Variants in TNS3 observed in about 807,000 individuals in gnomAD.
TNS3 encodes tensin-3.
In TNS3, 45 loss-of-function variants were observed where a neutral mutation model predicts 140.9. The ratio of observed to expected loss-of-function variants is 0.32; its 90% CI spans 0.25 to 0.41. The LOEUF (loss-of-function observed/expected upper bound fraction) is 0.41. Among genes scored for constraint, TNS3 ranks in the 10% least tolerant of loss-of-function variants. The pLI, the probability that TNS3 is intolerant of heterozygous loss-of-function variation, is 1.00. For missense variants in TNS3, 1,716 were observed against 1,906.7 expected (o/e 0.90, Z 1.86); for synonymous variants, 815 against 788.4 (o/e 1.03, Z -0.56).
intron 23 of TNS3, among the ~76,000 whole-genome samples, chr7:47,299,436 G>A (rs965634835): frequency 3.3e-5 from 5 of 152,144 alleles, no homozygotes; most frequent in East Asian, 1.9e-4. Flanking sequence ...TCACTGCGCC[G>A]GGCCTACTTT....
At chr7:47,392,262 C>T (rs190895471) in intron 16 of TNS3, among the ~76,000 whole-genome samples, 1 of 152,292 alleles carries the variant, frequency 6.6e-6, no homozygotes, top group African/African-American at 2.4e-5. Context: ...GTGCTGAAGA[C>T]AGGGCGTTTG....
rs78075617 is a variant in TNS3, at chr7:47,549,632, C to T, written c.-264-20485G>A. On this transcript the variant is annotated intron_variant, in intron 1 of 30. Coordinates refer to ENST00000311160, the MANE Select transcript of TNS3 (RefSeq NM_022748.12). ...GCTGTCCTTACAAACGGGCTCACTTCCCCCAGATCCCTGCTCAGTTTATGC... is the reference window on the plus strand; with the variant it reads ...GCTGTCCTTACAAACGGGCTCACTTTCCCCAGATCCCTGCTCAGTTTATGC... Among the ~76,000 whole-genome samples the T allele has an allele frequency of 2.0e-5, 3 of 152,072 alleles. No homozygotes were observed. The South Asian group carries it at 6.2e-4, about 32-fold the overall frequency.
In TNS3 at chr7:47,441,990, CACAG is replaced by C. The variant is rs774866935; in HGVS notation, c.-23+9_-23+12del. 2 of 1,290,114 alleles carry C rather than the reference CACAG, an allele frequency of 1.6e-6. No individual in the cohort carries two copies. Among genetic ancestry groups the C allele is most frequent in the African/African-American group, 3.0e-5 (2 of 65,842 alleles). The allele number at this position is 1,290,114 out of a possible 1,614,324, so 79.9% of individuals were successfully genotyped here. A position where few individuals can be genotyped will look rare whatever the true frequency, so the allele number is the denominator to read the frequency against. ...CAGAGACACAGGAATGCATGACCCA[CACAG>C]ACACTCACCGCAGAGGTTTATCACG... On this transcript the variant is annotated intron_variant, in intron 5 of 30. Coordinates refer to ENST00000311160, the MANE Select transcript of TNS3 (RefSeq NM_022748.12).
At position 47,277,043 on chromosome 7, in the gene TNS3, G is replaced by A. The variant is rs1470857367; in HGVS notation, c.*1033C>T. ...CAGAAAAGAAGTCATCCACAATCGG[G>A]GAAAAACATTCCAATGAGTAAAACA... On this transcript the variant is annotated 3_prime_UTR_variant, in exon 31 of 31. Transcript: ENST00000311160. 1 of 152,168 alleles carries A rather than the reference G, an allele frequency of 6.6e-6. No individual in the cohort carries two copies. The highest frequency in any genetic ancestry group is 2.4e-5 in the African/African-American group (1 of 41,426). The allele number at this position is 152,168 out of a possible 1,614,324, so 9.4% of individuals were successfully genotyped here.
chr7:47,518,749 G>A (rs1052857431), intron 2 of TNS3, among the ~76,000 whole-genome samples: 11 of 152,180 alleles, frequency 7.2e-5, no homozygotes, highest in African/African-American at 2.4e-4. Flanking sequence ...CATGGTTCAC[G>A]TGCTCAGACA....
rs557611315 is a variant in TNS3, at chr7:47,392,621, C to A, written c.1024+4179G>T. ...CTGGACAGCTCTGAAGACTAAAGCC[C>A]TGGTGGGAATGCGGCTGGGACTCAG... is the stretch of plus-strand genomic sequence containing the variant. On this transcript the variant is annotated intron_variant, in intron 16 of 30. Coordinates refer to ENST00000311160, the MANE Select transcript of TNS3 (RefSeq NM_022748.12). Among the ~76,000 whole-genome samples the A allele has an allele frequency of 9.8e-5, 15 of 152,346 alleles. 1 individual carries two copies. In the South Asian group the frequency reaches 2.9e-3, roughly 29 times the overall value.
At chr7:47,434,651 G>A (rs566273348) in intron 8 of TNS3, among the ~76,000 whole-genome samples, 118 of 152,358 alleles carry the variant, frequency 7.7e-4, no homozygotes, top group African/African-American at 2.7e-3. Context: ...AAAGATCCCA[G>A]GAGGTGGGAG....
chr7:47,571,854 A>C (rs1289573635), intron 1 of TNS3, among the ~76,000 whole-genome samples: 1 of 152,240 alleles, frequency 6.6e-6, no homozygotes, highest in African/African-American at 2.4e-5. Context: ...CTGGCCACAC[A>C]GCTGTGCTTG....
At chr7:47,335,253 G>C (rs1225879270) in intron 20 of TNS3, among the ~76,000 whole-genome samples, 1 of 152,102 alleles carries the variant, frequency 6.6e-6, no homozygotes, top group Non-Finnish European at 1.5e-5. Context: ...TGCCACTGAC[G>C]CTCCCGCTTG....
intron 8 of TNS3, among the ~76,000 whole-genome samples, chr7:47,429,455 C>T (rs1177382402): frequency 1.3e-5 from 2 of 152,152 alleles, no homozygotes; most frequent in African/African-American, 4.8e-5. Flanking sequence ...GTAAGCTCCG[C>T]CTCCCGGGTT....
intron 3 of TNS3, among the ~76,000 whole-genome samples, chr7:47,486,931 C>T (rs180865845): frequency 9.2e-5 from 14 of 152,138 alleles, no homozygotes; most frequent in African/African-American, 3.4e-4. Flanking sequence ...CTATCTTTTC[C>T]AAATCATCAA....
At chr7:47,431,860 A>C (rs1288855354) in intron 8 of TNS3, among the ~76,000 whole-genome samples, 1 of 152,208 alleles carries the variant, frequency 6.6e-6, no homozygotes, top group Non-Finnish European at 1.5e-5. Flanking sequence ...ATGCCATTTA[A>C]GACACAAAGA....
intron 8 of TNS3, among the ~76,000 whole-genome samples, chr7:47,429,616 C>T (rs1245640698): frequency 6.6e-6 from 1 of 152,180 alleles, no homozygotes; most frequent in Admixed American, 6.5e-5. Context: ...ATCCACCAGC[C>T]TCGGCCTCCC....
rs552081357 is a variant in TNS3 at position 47,369,048 on chromosome 7, G to A, written c.1598C>T (p.Pro533Leu). ...CAGGTCCGGAACGAGGGTGCCCTGCGGATCTTCACCAACGTTGCTGCCAAA... is the reference window on the plus strand; with the variant it reads ...CAGGTCCGGAACGAGGGTGCCCTGCAGATCTTCACCAACGTTGCTGCCAAA... ...DGFGSNVGED[P>L]QGTLVPDLGL... The change falls in exon 17 of 31, where the codon CCG becomes CTG. Residue 533 changes from proline to leucine, a missense_variant. Pro to Leu is a moderately conservative substitution (Grantham distance 98). This residue lies in a region of TNS3 where 1,163 missense variants were observed against 1,182.1 expected (regional missense o/e 0.98). Coordinates refer to ENST00000311160, the MANE Select transcript of TNS3 (RefSeq NM_022748.12). 5.5e-5 allele frequency: 89 copies of A among 1,613,924 alleles called. No homozygotes were observed. The highest frequency in any genetic ancestry group is 2.7e-4 in the East Asian group (12 of 44,888).
chr7:47,385,669 T>C (rs899223840), intron 16 of TNS3, among the ~76,000 whole-genome samples: 4 of 152,332 alleles, frequency 2.6e-5, no homozygotes, highest in East Asian at 1.9e-4. Flanking sequence ...ATATATTACA[T>C]GTACAGGAAT....
chr7:47,467,828 C>A (rs1379425022), intron 4 of TNS3, among the ~76,000 whole-genome samples: 1 of 152,192 alleles, frequency 6.6e-6, no homozygotes, highest in Admixed American at 6.5e-5. Context: ...TAGACCCTGG[C>A]TCCTGGACCA....
At chr7:47,374,779 G>GA (rs1219815416) in intron 16 of TNS3, among the ~76,000 whole-genome samples, 2 of 152,224 alleles carry the variant, frequency 1.3e-5, no homozygotes, top group Non-Finnish European at 2.9e-5. Context: ...AAGTGATGTA[G>GA]AAAGACCACA....
At chr7:47,397,015 C>CTT in intron 15 of TNS3, 111 bp from the exon 16 acceptor site, 4 of 725,376 alleles carry the variant, frequency 5.5e-6, no homozygotes, top group South Asian at 1.6e-5. Context: ...GAGAGAGAAG[C>CTT]CTCTCCATCC....
intron 1 of TNS3, among the ~76,000 whole-genome samples, chr7:47,548,199 G>A (rs13227069): frequency 0.47 from 71,728 of 151,892 alleles, 18,040 homozygotes; most frequent in East Asian, 0.78. Context: ...CACCCACCCC[G>A]TCCCTCCAGC....
Sources: gnomAD v4.1 joint callset for allele counts (sites outside exome capture counted in the v4.1 genomes callset) on GRCh38, gnomAD v4.1.1 for gene constraint, gnomAD v4.1.1 regional missense constraint, MANE v1.5 for transcripts, NCBI Gene and HGNC (gene_info 2026-07-23, HGNC 2026-07-21) for gene names.